The following SLC25A21 variants were observed in gnomAD, a reference collection of about 807,000 sequenced individuals.
SLC25A21 encodes the protein mitochondrial 2-oxodicarboxylate carrier.
SLC25A21 carries 47 observed loss-of-function variants against 43.8 expected under a neutral mutation model. The ratio of observed to expected loss-of-function variants is 1.07; its 90% CI spans 0.85 to 1.37. The LOEUF (loss-of-function observed/expected upper bound fraction) is 1.37. SLC25A21 is among the 40% of genes most tolerant of loss of function. The pLI, the probability that SLC25A21 is intolerant of heterozygous loss-of-function variation, is 0.00. For missense variants in SLC25A21, 352 were observed against 350.2 expected (o/e 1.00, Z -0.04); for synonymous variants, 131 against 121.3 (o/e 1.08, Z -0.52).
At chr14:37,153,316 T>A (rs1278364720) in intron 1 of SLC25A21, among the ~76,000 whole-genome samples, 1 of 152,202 alleles carries the variant, frequency 6.6e-6, no homozygotes, top group Non-Finnish European at 1.5e-5. Context: ...ACTGAGACAT[T>A]ACAAAAGCTC....
chr14:36,933,004 G>A (rs1219012688), intron 1 of SLC25A21, among the ~76,000 whole-genome samples: 2 of 152,088 alleles, frequency 1.3e-5, no homozygotes, highest in African/African-American at 4.8e-5. Flanking sequence ...TTGTTGTTTG[G>A]TAGAATTACA....
At chr14:36,754,870 A>G (rs1169521383) in intron 3 of SLC25A21, among the ~76,000 whole-genome samples, 1 of 152,260 alleles carries the variant, frequency 6.6e-6, no homozygotes, top group East Asian at 1.9e-4. Flanking sequence ...CACTGCCAGT[A>G]GCAAAATCGG....
At chr14:36,766,465 T>C (rs909613117) in intron 3 of SLC25A21, among the ~76,000 whole-genome samples, 5 of 152,160 alleles carry the variant, frequency 3.3e-5, no homozygotes, top group Non-Finnish European at 5.9e-5. Flanking sequence ...CCTGCTCAAA[T>C]GCCTTTGATG....
chr14:37,127,921 G>A (rs1963325472), intron 1 of SLC25A21, among the ~76,000 whole-genome samples: 1 of 152,162 alleles, frequency 6.6e-6, no homozygotes, highest in African/African-American at 2.4e-5. Context: ...ATAAGGACTA[G>A]GAGAAGCCAA....
At chr14:37,028,141 T>C (rs1187886179) in intron 1 of SLC25A21, among the ~76,000 whole-genome samples, 2 of 151,986 alleles carry the variant, frequency 1.3e-5, no homozygotes, top group Non-Finnish European at 2.9e-5. Flanking sequence ...AGGAGACGTG[T>C]GTATAAACAG....
chr14:36,997,259 T>A (rs1169282495), intron 1 of SLC25A21, among the ~76,000 whole-genome samples: 4 of 152,112 alleles, frequency 2.6e-5, no homozygotes, highest in Non-Finnish European at 5.9e-5. Flanking sequence ...TCCTGCTATA[T>A]GCCAGGCACT....
At chr14:36,733,763 G>A (rs892092718) in intron 4 of SLC25A21, among the ~76,000 whole-genome samples, 4 of 152,072 alleles carry the variant, frequency 2.6e-5, no homozygotes, top group African/African-American at 7.2e-5. Context: ...TCAGTGGTGC[G>A]GGGGAGGGGA....
chr14:36,893,986 T>C (rs931181568), intron 1 of SLC25A21, among the ~76,000 whole-genome samples: 17 of 152,238 alleles, frequency 1.1e-4, no homozygotes, highest in Non-Finnish European at 2.2e-4. Context: ...TGCCTCCAGC[T>C]TTGTTCTTTT....
chr14:36,845,935 G>A (rs1359441855), intron 2 of SLC25A21, among the ~76,000 whole-genome samples: 4 of 152,144 alleles, frequency 2.6e-5, no homozygotes, highest in East Asian at 1.9e-4. Flanking sequence ...TTTTTAATGC[G>A]ATAAATGTTT....
chr14:36,888,572 G>T (rs1316480658), intron 1 of SLC25A21, among the ~76,000 whole-genome samples: 1 of 151,958 alleles, frequency 6.6e-6, no homozygotes, highest in African/African-American at 2.4e-5. Context: ...GAATATGTGA[G>T]ATATGTAATG....
intron 5 of SLC25A21, among the ~76,000 whole-genome samples, chr14:36,728,861 G>A (rs1161485123): frequency 6.6e-6 from 1 of 152,168 alleles, no homozygotes; most frequent in African/African-American, 2.4e-5. Context: ...AGGGGCTCTT[G>A]TTGCACACAC....
In SLC25A21 at chr14:37,046,836, T is replaced by G. The variant is rs537799642; in HGVS notation, c.70+125445A>C. The stretch of plus-strand genomic sequence containing the variant: ...AACAAGAAAACAATTAAAAGTGTGG[T>G]GGGTTGTGGAAGACAGCTGCAAATG... On this transcript the variant is annotated intron_variant, in intron 1 of 9. Coordinates refer to ENST00000331299, the MANE Select transcript of SLC25A21 (RefSeq NM_030631.4). 9.2e-5 allele frequency among the ~76,000 whole-genome samples: 14 copies of G among 152,308 alleles called. No individual in the cohort carries two copies. In the South Asian group the frequency reaches 2.7e-3, roughly 29 times the overall value.
chr14:36,973,476 T>G (rs74656355), intron 1 of SLC25A21, among the ~76,000 whole-genome samples: 16,328 of 152,164 alleles, frequency 0.11, 2,426 homozygotes, highest in African/African-American at 0.33. Flanking sequence ...AGGATGACTG[T>G]CTGCTTCCAT....
intron 2 of SLC25A21, among the ~76,000 whole-genome samples, chr14:36,846,489 C>A (rs147635389): frequency 0.035 from 5,329 of 152,168 alleles, 324 homozygotes; most frequent in African/African-American, 0.12. Context: ...TCAGGCGATT[C>A]TCCTGCCTCA....
chr14:36,970,218 T>C (rs1325322470), intron 1 of SLC25A21, among the ~76,000 whole-genome samples: 1 of 152,188 alleles, frequency 6.6e-6, no homozygotes, highest in African/African-American at 2.4e-5. Flanking sequence ...TGACCATCAG[T>C]TGAACAAAGA....
chr14:37,135,396 C>G (rs1287877539), intron 1 of SLC25A21, among the ~76,000 whole-genome samples: 1 of 151,866 alleles, frequency 6.6e-6, no homozygotes. Flanking sequence ...AAGATCCTAT[C>G]TCTAAAAACA....
At chr14:36,955,252 C>G (rs991113648) in intron 1 of SLC25A21, among the ~76,000 whole-genome samples, 1 of 152,130 alleles carries the variant, frequency 6.6e-6, no homozygotes, top group Non-Finnish European at 1.5e-5. Context: ...AGAATGCACT[C>G]CATTGCTCAA....
At chr14:36,905,131 T>C (rs952952790) in intron 1 of SLC25A21, among the ~76,000 whole-genome samples, 41 of 152,192 alleles carry the variant, frequency 2.7e-4, no homozygotes, top group African/African-American at 8.9e-4. Context: ...ACTATAACAA[T>C]TACCTTGACC....
intron 1 of SLC25A21, among the ~76,000 whole-genome samples, chr14:37,086,356 T>C (rs1001457893): frequency 1.3e-5 from 2 of 152,182 alleles, no homozygotes; most frequent in African/African-American, 4.8e-5. Flanking sequence ...ACTCCTTTGT[T>C]AGTCATGTGC....
Sources: allele counts gnomAD v4.1 joint callset (sites outside exome capture counted in the v4.1 genomes callset), GRCh38; gene constraint gnomAD v4.1.1; transcripts MANE v1.5; gene names NCBI Gene and HGNC (gene_info 2026-07-23, HGNC 2026-07-21).